Variants in FBXO15 observed in about 807,000 individuals in gnomAD.
FBXO15 encodes F-box protein 15.
In FBXO15, 30 loss-of-function variants were observed where a neutral mutation model predicts 49.5. The ratio of observed to expected loss-of-function variants is 0.61; its 90% CI spans 0.45 to 0.82. The LOEUF is 0.82. Ranked by LOEUF, FBXO15 falls within the 40% of genes least tolerant of loss-of-function variation. The probability of loss-of-function intolerance (pLI) is 0.00; values close to 1 mark genes in which losing one functional copy is unlikely to be tolerated. For missense variants in FBXO15, 591 were observed against 631.5 expected, an observed-to-expected ratio of 0.94 and a Z score of 0.69; for synonymous variants, 250 against 232.7, an observed-to-expected ratio of 1.07 and a Z score of -0.68.
At chr18:74,143,212 AATACCTTACTG>A (rs1979194462) in intron 1 of FBXO15, among the ~76,000 whole-genome samples, 1 of 152,202 alleles carries the variant, frequency 6.6e-6, no homozygotes, top group Non-Finnish European at 1.5e-5. Context: ...ATATTAAATA[AATACCTTACTG>A]AATCAGTAAC....
intron 8 of FBXO15, 167 bp from the exon 9 acceptor site, chr18:74,082,218 T>A (rs1258053983): frequency 2.0e-6 from 1 of 490,608 alleles, no homozygotes; most frequent in Non-Finnish European, 3.5e-6. Context: ...GAGGCCAGAG[T>A]GATGCATCTG....
At chr18:74,140,359 G>A (rs1315711270) in intron 1 of FBXO15, 47 bp from the exon 2 acceptor site, 1 of 1,493,772 alleles carries the variant, frequency 6.7e-7, no homozygotes, top group African/African-American at 1.4e-5. Context: ...ACCAAATGAG[G>A]TGAATTATCT....
intron 8 of FBXO15, among the ~76,000 whole-genome samples, chr18:74,086,901 GAAACTT>G (rs1190033611): frequency 6.6e-6 from 1 of 152,156 alleles, no homozygotes; most frequent in Non-Finnish European, 1.5e-5. Flanking sequence ...GTACTAGAGG[GAAACTT>G]AAACACAAGC....
chr18:74,115,122 A>G (rs977683174), intron 8 of FBXO15, among the ~76,000 whole-genome samples: 3 of 152,230 alleles, frequency 2.0e-5, no homozygotes, highest in Non-Finnish European at 4.4e-5. Context: ...CAGAGGAAGA[A>G]AAGTAGAGCA....
chr18:74,104,110 T>C (rs1021247714), intron 8 of FBXO15, among the ~76,000 whole-genome samples: 1 of 152,078 alleles, frequency 6.6e-6, no homozygotes, highest in Non-Finnish European at 1.5e-5. Context: ...CTGAGACAAC[T>C]AAAGGTCAAA....
chr18:74,076,798 G>A lies in FBXO15; in HGVS notation c.1264-3068C>T, dbSNP rs537793666. Among the ~76,000 whole-genome samples, 9 of 152,084 alleles carry A rather than the reference G, an allele frequency of 5.9e-5. No homozygotes were observed. In the South Asian group the frequency reaches 1.7e-3, roughly 28 times the overall value. ...ATTAAGGCCTGACCTGGCCTCATCC[G>A]CCCATCCCACCTCATTGCACACATC... On this transcript the variant is annotated intron_variant, in intron 9 of 9. Coordinates refer to ENST00000419743, the MANE Select transcript of FBXO15 (RefSeq NM_001142958.2).
chr18:74,147,640 G>T, intron 1 of FBXO15, 30 bp downstream of exon 1: 1 of 1,383,486 alleles, frequency 7.2e-7, no homozygotes, highest in South Asian at 1.6e-5. Flanking sequence ...CTTCCCGCCA[G>T]GGGACCCCAC....
intron 8 of FBXO15, among the ~76,000 whole-genome samples, chr18:74,085,714 A>G (rs1912708292): frequency 1.3e-5 from 2 of 152,262 alleles, no homozygotes; most frequent in South Asian, 2.1e-4. Flanking sequence ...ATGAGCAAAG[A>G]AAGTCTTTTC....
intron 8 of FBXO15, among the ~76,000 whole-genome samples, chr18:74,115,624 T>C (rs561558700): frequency 6.6e-6 from 1 of 152,310 alleles, no homozygotes; most frequent in Non-Finnish European, 1.5e-5. Context: ...TAGAGATCCT[T>C]TTAGCCAGTA....
chr18:74,143,601 A>G (rs1031638978), intron 1 of FBXO15, among the ~76,000 whole-genome samples: 32 of 152,132 alleles, frequency 2.1e-4, no homozygotes, highest in Non-Finnish European at 4.0e-4. Context: ...GCACTGGGGG[A>G]AAAAAATACT....
intron 2 of FBXO15, among the ~76,000 whole-genome samples, chr18:74,139,212 C>T (rs1485675857): frequency 6.6e-6 from 1 of 152,220 alleles, no homozygotes; most frequent in East Asian, 1.9e-4. Flanking sequence ...TTCTCAACAA[C>T]AGGTATCCCA....
chr18:74,107,800 C>A (rs181392905), intron 8 of FBXO15, among the ~76,000 whole-genome samples: 2 of 152,172 alleles, frequency 1.3e-5, no homozygotes, highest in Non-Finnish European at 2.9e-5. Flanking sequence ...AAAGGTAACA[C>A]CAAAATGTAC....
chr18:74,092,689 G>C (rs1913095133), intron 8 of FBXO15, among the ~76,000 whole-genome samples: 1 of 152,152 alleles, frequency 6.6e-6, no homozygotes, highest in African/African-American at 2.4e-5. Flanking sequence ...TTTAACTCTG[G>C]AAGACTGATA....
At chr18:74,122,324 C>T (rs1914509898) in intron 8 of FBXO15, among the ~76,000 whole-genome samples, 2 of 152,252 alleles carry the variant, frequency 1.3e-5, no homozygotes, top group South Asian at 4.1e-4. Flanking sequence ...GGTTCCAGCA[C>T]ATTAGGCAGC....
At position 74,147,791 on chromosome 18, in the gene FBXO15, C is replaced by A; in HGVS notation, c.-6G>T. 6.5e-7 allele frequency: 1 copy of A among 1,528,568 alleles called. No individual in the cohort carries two copies. 94.7% of individuals were successfully genotyped at this position (1,528,568 alleles called of 1,614,324 possible). A position where few individuals can be genotyped will look rare whatever the true frequency, so the allele number is the denominator to read the frequency against. ...CGACCGCGTCCAGTCGCCATAGAGACAAGGAGTTCACCACAGGACCGCGCC... is the reference window on the plus strand; with the variant it reads ...CGACCGCGTCCAGTCGCCATAGAGAAAAGGAGTTCACCACAGGACCGCGCC... On this transcript the variant is annotated 5_prime_UTR_variant, in exon 1 of 10. Coordinates refer to ENST00000419743, the MANE Select transcript of FBXO15 (RefSeq NM_001142958.2).
intron 8 of FBXO15, among the ~76,000 whole-genome samples, chr18:74,091,384 C>A (rs1477994818): frequency 6.6e-6 from 1 of 151,824 alleles, no homozygotes; most frequent in African/African-American, 2.4e-5. Flanking sequence ...GGCTATTTAG[C>A]CTGATTATAT....
At chr18:74,081,251 C>T (rs1912482029) in intron 9 of FBXO15, among the ~76,000 whole-genome samples, 1 of 152,208 alleles carries the variant, frequency 6.6e-6, no homozygotes, top group Admixed American at 6.5e-5. Flanking sequence ...GAGGCCCCCG[C>T]AGTCACAGGA....
intron 8 of FBXO15, chr18:74,099,200 A>T (rs879499568): frequency 2.6e-5 from 4 of 152,204 alleles, no homozygotes; most frequent in Non-Finnish European, 5.9e-5. Flanking sequence ...TAACCTATAA[A>T]AATCTATCAG....
At chr18:74,131,090 G>A (rs190223031) in intron 3 of FBXO15, among the ~76,000 whole-genome samples, 24 of 152,150 alleles carry the variant, frequency 1.6e-4, no homozygotes, top group Non-Finnish European at 3.1e-4. Context: ...TTTCAATAGG[G>A]AACAATGGAA....
Sources: gnomAD v4.1 joint callset for allele counts (sites outside exome capture counted in the v4.1 genomes callset) on GRCh38, gnomAD v4.1.1 for gene constraint, MANE v1.5 for transcripts, NCBI Gene and HGNC (gene_info 2026-07-23, HGNC 2026-07-21) for gene names.